MAP6: variants seen among roughly 807,000 people sequenced by gnomAD.
MAP6 encodes the protein microtubule-associated protein 6.
A neutral mutation model predicts 42.4 loss-of-function variants in MAP6; 26 were observed. That is an observed-to-expected ratio of 0.61 (90% CI 0.45 to 0.85). The LOEUF (loss-of-function observed/expected upper bound fraction) is 0.85, where lower values mean the gene tolerates loss of function less well. MAP6 is among the 40% of genes least tolerant of loss of function. The pLI, the probability that MAP6 is intolerant of heterozygous loss-of-function variation, is 0.00. For synonymous variants in MAP6, 418 were observed against 443.8 expected, an observed-to-expected ratio of 0.94 and a Z score of 0.73; for missense variants, 966 against 1,099.0, an observed-to-expected ratio of 0.88 and a Z score of 1.71.
chr11:75,588,296 T>G, intron 3 of MAP6, 112 bp from the exon 4 acceptor site: 6 of 933,534 alleles, frequency 6.4e-6, no homozygotes, highest in Non-Finnish European at 7.9e-6. Flanking sequence ...CGGGCAGCTC[T>G]TGCTGGAGAG....
chr11:75,624,186 C>T (rs967457786), intron 1 of MAP6, among the ~76,000 whole-genome samples: 2 of 152,202 alleles, frequency 1.3e-5, no homozygotes, highest in African/African-American at 4.8e-5. Flanking sequence ...GTGTCAGTGT[C>T]TGAGAAAATG....
intron 1 of MAP6, among the ~76,000 whole-genome samples, chr11:75,662,277 A>G (rs551377303): frequency 3.0e-4 from 45 of 152,318 alleles, no homozygotes; most frequent in East Asian, 3.9e-4. Context: ...CCATTCATAA[A>G]GATAAAATCT....
At position 75,667,381 on chromosome 11, in the gene MAP6, T is replaced by A; in HGVS notation, c.905+84A>T. On this transcript the variant is annotated intron_variant, in intron 1 of 3. Transcript: ENST00000304771. This position sits in a 1 kb window ranked among gnomAD's most constrained non-coding sequence, Gnocchi z 5.6. Reference sequence around the variant, plus strand: ...CTGGAGGGAGGCTGCACGCTAGGCCTGCGCTGGGGATCCTGGGCCCCGGGC... The same window carrying A: ...CTGGAGGGAGGCTGCACGCTAGGCCAGCGCTGGGGATCCTGGGCCCCGGGC... 5.5e-6 allele frequency: 7 copies of A among 1,281,988 alleles called. No homozygotes were observed. The highest frequency in any genetic ancestry group is 7.1e-6 in the Non-Finnish European group (7 of 985,736). 79.4% of individuals were successfully genotyped at this position (1,281,988 alleles called of 1,614,324 possible). A position where few individuals can be genotyped will look rare whatever the true frequency, so the allele number is the denominator to read the frequency against.
At position 75,587,814 on chromosome 11, in the gene MAP6, C is replaced by T. The variant is rs750534536; in HGVS notation, c.1687G>A (p.Gly563Ser). ...TTCACAGGCTCAGGAATCCTAGGAC[C>T]TTGATCCTTTAGAGACTCTGGTACC... is the stretch of plus-strand genomic sequence containing the variant. ...SVVPESLKDQ[G>S]PRIPEPVKNQ... The change falls in exon 4 of 4, where the codon GGT becomes AGT. Residue 563 changes from glycine (G) to serine (S), a missense_variant. Around this residue, in one of 2 missense-constraint regions of MAP6, gnomAD observed 943 missense variants for 1,049.9 expected, o/e 0.90. Coordinates refer to ENST00000304771, the MANE Select transcript of MAP6 (RefSeq NM_033063.2). 27 of 1,614,034 alleles carry T rather than the reference C, an allele frequency of 1.7e-5. No individual in the cohort carries two copies. The highest frequency in any genetic ancestry group is 3.4e-6 in the Non-Finnish European group (4 of 1,180,024).
intron 1 of MAP6, among the ~76,000 whole-genome samples, chr11:75,608,593 A>G (rs879907270): frequency 6.6e-6 from 1 of 152,194 alleles, no homozygotes; most frequent in Non-Finnish European, 1.5e-5. Flanking sequence ...TGGGCAGGCA[A>G]TTCTAATCTT....
At chr11:75,647,075 G>C (rs1270079595) in intron 1 of MAP6, among the ~76,000 whole-genome samples, 1 of 151,220 alleles carries the variant, frequency 6.6e-6, no homozygotes, top group Non-Finnish European at 1.5e-5. Flanking sequence ...CCGCCTCCCA[G>C]GTTCAAGTGA....
At chr11:75,631,012 TATC>T (rs1943276411) in intron 1 of MAP6, among the ~76,000 whole-genome samples, 1 of 152,208 alleles carries the variant, frequency 6.6e-6, no homozygotes, top group East Asian at 1.9e-4. Context: ...ACTTTAAAGT[TATC>T]ATGACTTTGT....
At chr11:75,658,721 A>G (rs949532902) in intron 1 of MAP6, among the ~76,000 whole-genome samples, 1 of 152,188 alleles carries the variant, frequency 6.6e-6, no homozygotes, top group African/African-American at 2.4e-5. Flanking sequence ...GTCCCTTGCC[A>G]TTCTATCCTT....
intron 3 of MAP6, chr11:75,603,696 C>T (rs1942706755): frequency 1.0e-6 from 1 of 985,188 alleles, no homozygotes; most frequent in Admixed American, 6.1e-5. Flanking sequence ...TGTGCACCCT[C>T]TGGTTGTGTG....
chr11:75,640,562 G>A (rs184577669), intron 1 of MAP6, among the ~76,000 whole-genome samples: 1 of 152,140 alleles, frequency 6.6e-6, no homozygotes. Context: ...TTAAATGGGA[G>A]AAAATTTTTG....
chr11:75,612,572 C>T (rs142399580), intron 1 of MAP6, among the ~76,000 whole-genome samples: 102 of 152,178 alleles, frequency 6.7e-4, no homozygotes, highest in Non-Finnish European at 1.4e-3. Context: ...GTGAACTGAT[C>T]AGGGTGGCTG....
chr11:75,606,591 G>T (rs954721926), intron 2 of MAP6, among the ~76,000 whole-genome samples: 2 of 152,170 alleles, frequency 1.3e-5, no homozygotes, highest in African/African-American at 4.8e-5. Flanking sequence ...GTTCTGGGGC[G>T]GTGGGTCGCT....
chr11:75,666,661 C>A lies in MAP6; in HGVS notation c.905+804G>T, dbSNP rs574713033. 3.9e-4 allele frequency among the ~76,000 whole-genome samples: 59 copies of A among 152,308 alleles called. 1 individual carries two copies. The highest frequency in any genetic ancestry group is 1.4e-3 in the African/African-American group (59 of 41,570). ...TGTTCTCCTGATTATCTCATTTAATCCTCACAATGTCCGGCACACTGCCTG... is the reference window on the plus strand; with the variant it reads ...TGTTCTCCTGATTATCTCATTTAATACTCACAATGTCCGGCACACTGCCTG... On this transcript the variant is annotated intron_variant, in intron 1 of 3. Transcript: ENST00000304771.
chr11:75,587,759 A>G lies in MAP6; in HGVS notation c.1742T>C (p.Val581Ala). 1.9e-6 allele frequency: 3 copies of G among 1,613,256 alleles called. No homozygotes were observed. The highest frequency in any genetic ancestry group is 2.5e-6 in the Non-Finnish European group (3 of 1,179,338). Residue 581 changes from valine to alanine, a missense_variant, in exon 4 of 4, where the codon GTC becomes GCC. Coordinates refer to ENST00000304771, the MANE Select transcript of MAP6 (RefSeq NM_033063.2). Reference protein sequence around the residue: ...KNQAPMVPAPVKDEGPMVSAS... With the variant: ...KNQAPMVPAPAKDEGPMVSAS... The stretch of plus-strand genomic sequence containing the variant: ...TGAGACCATGGGACCTTCATCCTTG[A>G]CAGGTGCTGGGACCATAGGAGCTTG...
chr11:75,661,752 C>T (rs1943850795), intron 1 of MAP6, among the ~76,000 whole-genome samples: 1 of 152,008 alleles, frequency 6.6e-6, no homozygotes, highest in African/African-American at 2.4e-5. Context: ...AGAAACTTTC[C>T]CACATCCCAA....
chr11:75,605,660 C>T (rs969786554), intron 3 of MAP6, 148 bp downstream of exon 3: 1 of 1,437,472 alleles, frequency 7.0e-7, no homozygotes, highest in Non-Finnish European at 9.1e-7. Flanking sequence ...AGAAGCCAAA[C>T]CAAAGAGCTC....
At chr11:75,628,875 G>T (rs1194981949) in intron 1 of MAP6, among the ~76,000 whole-genome samples, 1 of 152,172 alleles carries the variant, frequency 6.6e-6, no homozygotes, top group Admixed American at 6.5e-5. Context: ...TACAATGAAT[G>T]AAAACTTACT....
intron 1 of MAP6, among the ~76,000 whole-genome samples, chr11:75,659,419 T>C (rs999640110): frequency 9.2e-5 from 14 of 151,950 alleles, no homozygotes; most frequent in African/African-American, 2.9e-4. Context: ...GAGGCAGAGG[T>C]TGCAGTGAGC....
intron 3 of MAP6, chr11:75,603,282 T>C: frequency 1.0e-6 from 1 of 985,730 alleles, no homozygotes; most frequent in Non-Finnish European, 1.2e-6. Context: ...CAGAGGCCAG[T>C]GGGACGAGCT....
Sources: gnomAD v4.1 joint callset for allele counts (sites outside exome capture counted in the v4.1 genomes callset) on GRCh38, gnomAD v4.1.1 for gene constraint, gnomAD v4.1.1 regional missense constraint, Gnocchi (gnomAD v3.1) non-coding constraint, MANE v1.5 for transcripts, NCBI Gene and HGNC (gene_info 2026-07-23, HGNC 2026-07-21) for gene names.